The following LSAMP variants were observed in gnomAD, a reference collection of about 807,000 sequenced individuals.
LSAMP encodes limbic system associated membrane protein, also known as limbic system-associated membrane protein.
A neutral mutation model predicts 38.6 loss-of-function variants in LSAMP; 7 were observed. The ratio of observed to expected loss-of-function variants is 0.18; its 90% CI spans 0.10 to 0.34. LSAMP has a LOEUF of 0.34. LSAMP is among the 10% of genes least tolerant of loss of function. The pLI, the probability that LSAMP is intolerant of heterozygous loss-of-function variation, is 1.00. For missense variants in LSAMP, 313 were observed against 420.0 expected, an observed-to-expected ratio of 0.75 and a Z score of 2.23; for synonymous variants, 154 against 166.8, an observed-to-expected ratio of 0.92 and a Z score of 0.59.
intron 3 of LSAMP, among the ~76,000 whole-genome samples, chr3:115,904,104 C>T (rs980967774): frequency 1.3e-5 from 2 of 151,588 alleles, no homozygotes; most frequent in African/African-American, 2.4e-5. Flanking sequence ...CATCTGTCGA[C>T]GGTAGTCAAA....
intron 1 of LSAMP, among the ~76,000 whole-genome samples, chr3:116,168,578 T>C (rs1398562530): frequency 6.6e-6 from 1 of 152,200 alleles, no homozygotes; most frequent in Non-Finnish European, 1.5e-5. Flanking sequence ...TCTCAGCATA[T>C]ATCTGCTTCC....
At chr3:116,294,779 A>G (rs1215172139) in intron 1 of LSAMP, among the ~76,000 whole-genome samples, 5 of 152,210 alleles carry the variant, frequency 3.3e-5, no homozygotes, top group African/African-American at 1.2e-4. Context: ...ATTAACATGA[A>G]ATAACATAGG....
At chr3:116,424,193 G>A (rs77375418) in intron 1 of LSAMP, among the ~76,000 whole-genome samples, 2,377 of 152,246 alleles carry the variant, frequency 0.016, 71 homozygotes, top group African/African-American at 0.055. Flanking sequence ...CTTTACTCGG[G>A]TCTGGTGAGG....
At chr3:116,168,341 A>C (rs1321774023) in intron 1 of LSAMP, among the ~76,000 whole-genome samples, 1 of 152,212 alleles carries the variant, frequency 6.6e-6, no homozygotes, top group Non-Finnish European at 1.5e-5. Flanking sequence ...CCTGAGAATC[A>C]AAGAACATTC....
chr3:116,019,849 C>T (rs930798849), intron 2 of LSAMP, among the ~76,000 whole-genome samples: 2 of 152,164 alleles, frequency 1.3e-5, no homozygotes, highest in African/African-American at 4.8e-5. Flanking sequence ...GAACACCCTT[C>T]ACAAAGCCAT....
intron 1 of LSAMP, among the ~76,000 whole-genome samples, chr3:116,321,121 C>G (rs1364231977): frequency 1.3e-5 from 2 of 152,074 alleles, no homozygotes; most frequent in South Asian, 2.1e-4. Context: ...ACCTCTAATC[C>G]CAACAATTTA....
Position 116,049,981 on chromosome 3 carries a change from T to C in LSAMP, c.389-30341A>G, listed in dbSNP as rs1941362964. On this transcript the variant is annotated intron_variant, in intron 2 of 6. Coordinates refer to ENST00000490035, the MANE Select transcript of LSAMP (RefSeq NM_002338.5). ...TATTCTTTTGCTGGATACCCTCCAT[T>C]TACACAGAGTGGCCCATCCCCTGAT... Among the ~76,000 whole-genome samples the C allele has an allele frequency of 2.6e-5, 4 of 152,252 alleles. No homozygotes were observed. The South Asian group carries it at 8.3e-4, about 32-fold the overall frequency.
At chr3:116,053,003 A>G (rs1576335277) in intron 2 of LSAMP, among the ~76,000 whole-genome samples, 1 of 152,308 alleles carries the variant, frequency 6.6e-6, no homozygotes, top group South Asian at 2.1e-4. Flanking sequence ...CTTAGTGGGG[A>G]GGAAGAGAGG....
intron 3 of LSAMP, among the ~76,000 whole-genome samples, chr3:115,998,738 C>G (rs185923389): frequency 2.0e-5 from 3 of 152,048 alleles, no homozygotes; most frequent in African/African-American, 7.2e-5. Context: ...TGCTTTGAGA[C>G]GAAGAGTGAT....
chr3:116,340,320 A>G (rs2047974866), intron 1 of LSAMP, among the ~76,000 whole-genome samples: 1 of 152,028 alleles, frequency 6.6e-6, no homozygotes, highest in African/African-American at 2.4e-5. Context: ...TTTAATATGT[A>G]TTGCTGTTTT....
At chr3:116,377,274 C>T (rs1170287589) in intron 1 of LSAMP, among the ~76,000 whole-genome samples, 2 of 151,994 alleles carry the variant, frequency 1.3e-5, no homozygotes, top group East Asian at 3.9e-4. Context: ...GTTCCCCTCC[C>T]TGTGTCCATG....
At chr3:115,982,931 CTTTTTT>C (rs11386123) in intron 3 of LSAMP, among the ~76,000 whole-genome samples, 2 of 136,272 alleles carry the variant, frequency 1.5e-5, no homozygotes, top group East Asian at 2.1e-4. Context: ...CCTATGGAGA[CTTTTTT>C]TTTTTTTTTT....
At chr3:116,289,002 G>C (rs1024614133) in intron 1 of LSAMP, among the ~76,000 whole-genome samples, 4 of 152,178 alleles carry the variant, frequency 2.6e-5, no homozygotes, top group African/African-American at 4.8e-5. Flanking sequence ...AGATTGGCTT[G>C]TAAGGATTTA....
intron 6 of LSAMP, chr3:115,816,785 A>ATAT (rs755224806): frequency 5.0e-5 from 20 of 400,724 alleles, no homozygotes; most frequent in South Asian, 2.3e-4. Context: ...ATAGGAAAGA[A>ATAT]TATTGGTAGA....
intron 3 of LSAMP, among the ~76,000 whole-genome samples, chr3:115,963,724 A>C (rs1055736075): frequency 6.6e-6 from 1 of 152,188 alleles, no homozygotes; most frequent in African/African-American, 2.4e-5. Flanking sequence ...TGATTTTTCC[A>C]ATTAAGACTC....
intron 2 of LSAMP, among the ~76,000 whole-genome samples, chr3:116,038,823 T>C (rs1941104148): frequency 6.6e-6 from 1 of 152,248 alleles, no homozygotes; most frequent in Non-Finnish European, 1.5e-5. Flanking sequence ...GACAAAAGAC[T>C]GAGATCTTCC....
At chr3:116,164,762 T>TATATATATATA (rs71999509) in intron 1 of LSAMP, among the ~76,000 whole-genome samples, 1 of 36,182 alleles carries the variant, frequency 2.8e-5, no homozygotes, top group African/African-American at 1.1e-4. Context: ...ATATATATAT[T>TATATATATATA]TTTTTTTTTT....
intron 1 of LSAMP, among the ~76,000 whole-genome samples, chr3:116,162,806 T>C (rs1445108225): frequency 7.1e-6 from 1 of 141,536 alleles, no homozygotes; most frequent in Non-Finnish European, 1.5e-5. Context: ...CACTTTGCTT[T>C]CCAAGGCAGT....
intron 1 of LSAMP, among the ~76,000 whole-genome samples, chr3:116,281,428 A>C (rs1314677020): frequency 6.6e-6 from 1 of 152,188 alleles, no homozygotes; most frequent in Non-Finnish European, 1.5e-5. Context: ...AAAGAATGAC[A>C]GCTATCATAA....
Sources: allele counts gnomAD v4.1 joint callset (sites outside exome capture counted in the v4.1 genomes callset), GRCh38; gene constraint gnomAD v4.1.1; transcripts MANE v1.5; gene names NCBI Gene and HGNC (gene_info 2026-07-23, HGNC 2026-07-21).